Variants in NEK10 observed in about 807,000 individuals in gnomAD.
The protein encoded by NEK10 is serine/threonine-protein kinase Nek10.
A neutral mutation model predicts 159.8 loss-of-function variants in NEK10; 122 were observed. That is an observed-to-expected ratio of 0.76 (90% CI 0.66 to 0.89). The LOEUF (loss-of-function observed/expected upper bound fraction) is 0.89. Among genes scored for constraint, NEK10 ranks in the 40% least tolerant of loss-of-function variants. The pLI is 0.00. For synonymous variants in NEK10, 466 were observed against 457.1 expected (o/e 1.02, Z -0.25); for missense variants, 1,342 against 1,323.1 (o/e 1.01, Z -0.22).
intron 30 of NEK10, among the ~76,000 whole-genome samples, chr3:27,151,916 T>G (rs146077053): frequency 8.1e-4 from 124 of 152,246 alleles, no homozygotes; most frequent in African/African-American, 2.8e-3. Context: ...GACGAGGTCT[T>G]TGAATTAACC....
At chr3:27,267,040 G>A (rs540372069) in intron 22 of NEK10, among the ~76,000 whole-genome samples, 42 of 152,258 alleles carry the variant, frequency 2.8e-4, no homozygotes, top group South Asian at 1.0e-3. Flanking sequence ...AACTTCTACC[G>A]GCATTCTAGC....
chr3:27,191,887 A>T, intron 26 of NEK10, 142 bp downstream of exon 26: 1 of 633,576 alleles, frequency 1.6e-6, no homozygotes, highest in Non-Finnish European at 2.8e-6. Context: ...ACAGAAATGG[A>T]TATAAATATG....
At chr3:27,162,345 C>A in intron 30 of NEK10, 12 of 1,478,596 alleles carry the variant, frequency 8.1e-6, no homozygotes, top group Non-Finnish European at 1.1e-5. Context: ...AGGCAGAATT[C>A]TCCGCTCTTT....
At chr3:27,163,757 T>A (rs1254202318) in intron 29 of NEK10, among the ~76,000 whole-genome samples, 4 of 152,238 alleles carry the variant, frequency 2.6e-5, no homozygotes, top group Non-Finnish European at 1.5e-5. Context: ...CAAAAATATA[T>A]CATACATGTA....
intron 22 of NEK10, among the ~76,000 whole-genome samples, chr3:27,272,440 G>A (rs1353680281): frequency 6.6e-6 from 1 of 152,128 alleles, no homozygotes; most frequent in Non-Finnish European, 1.5e-5. Flanking sequence ...TCTGATTATA[G>A]TTTAAATGTG....
At position 27,259,699 on chromosome 3, in the gene NEK10, T is replaced by G. The variant is rs543813379; in HGVS notation, c.2015-3328A>C. ...TTGGCTTAGGATTGACTTAGCAATG[T>G]GGGCTCTTTTTTGGTTCCATATGAA... On this transcript the variant is annotated intron_variant, in intron 22 of 35. Coordinates refer to ENST00000691995, the MANE Select transcript of NEK10 (RefSeq NM_001394966.1). Among the ~76,000 whole-genome samples, 14 of 152,294 alleles carry G rather than the reference T, an allele frequency of 9.2e-5. No homozygotes were observed. The East Asian group carries it at 2.1e-3, about 23-fold the overall frequency.
At chr3:27,226,333 C>T (rs1284480057) in intron 23 of NEK10, among the ~76,000 whole-genome samples, 1 of 151,882 alleles carries the variant, frequency 6.6e-6, no homozygotes, top group East Asian at 1.9e-4. Context: ...GCGTGAGCCA[C>T]CGTGCCTGGC....
chr3:27,302,760 A>T (rs556962581), intron 12 of NEK10, among the ~76,000 whole-genome samples: 8 of 152,252 alleles, frequency 5.3e-5, no homozygotes, highest in Non-Finnish European at 1.2e-4. Context: ...CTCTCATGTC[A>T]TCTGGGTCCA....
chr3:27,344,181 C>T lies in NEK10; in HGVS notation c.362+91G>A, dbSNP rs2047390567. On this transcript the variant is annotated intron_variant, in intron 5 of 35. Coordinates refer to ENST00000691995, the MANE Select transcript of NEK10 (RefSeq NM_001394966.1). The stretch of plus-strand genomic sequence containing the variant: ...TCTTTCCTTTAATGACATGTTCAAT[C>T]CTGTAAGATGTTTCAAATCATGTTC... 6.0e-6 allele frequency: 4 copies of T among 663,298 alleles called. No individual in the cohort carries two copies. The East Asian group carries it at 1.1e-4, about 19-fold the overall frequency. The allele number at this position is 663,298 out of a possible 1,614,324, so 41.1% of individuals were successfully genotyped here.
At chr3:27,297,771 G>T (rs914811519) in intron 13 of NEK10, among the ~76,000 whole-genome samples, 6 of 152,146 alleles carry the variant, frequency 3.9e-5, no homozygotes, top group Admixed American at 3.3e-4. Context: ...TCTGCCAGAC[G>T]TTAAATCCCC....
chr3:27,216,983 G>A (rs1159273536), intron 23 of NEK10, among the ~76,000 whole-genome samples: 1 of 151,982 alleles, frequency 6.6e-6, no homozygotes, highest in Non-Finnish European at 1.5e-5. Context: ...TATAAGCTTT[G>A]AATAAAGAGA....
chr3:27,130,627 A>G (rs1023943477), intron 32 of NEK10, among the ~76,000 whole-genome samples: 4 of 152,186 alleles, frequency 2.6e-5, no homozygotes, highest in African/African-American at 9.6e-5. Context: ...AAATAAGTCT[A>G]TGCTCAAACC....
intron 22 of NEK10, among the ~76,000 whole-genome samples, chr3:27,277,814 G>A (rs2041877578): frequency 6.6e-6 from 1 of 152,212 alleles, no homozygotes; most frequent in Non-Finnish European, 1.5e-5. Context: ...TGAAATCTGA[G>A]TAGAAGTAAC....
In NEK10 at chr3:27,314,324, G is replaced by A; in HGVS notation, c.462C>T (p.Ser154=). The A allele has an allele frequency of 6.2e-7, 1 of 1,600,536 alleles. No homozygotes were observed. The highest frequency in any genetic ancestry group is 8.5e-7 in the Non-Finnish European group (1 of 1,171,356). ...GAGCTAGGTTTTCAATCCCACCCAA[G>A]CTATGGAGTATTTCCTAATAAAATA... is the stretch of plus-strand genomic sequence containing the variant. ...RDPCYQEILH[S]LGGIENLAQY... Residue 154 remains serine (S), a synonymous_variant, in exon 7 of 36, where the codon AGC becomes AGT. Transcript: ENST00000691995.
intron 25 of NEK10, among the ~76,000 whole-genome samples, chr3:27,197,534 C>G (rs1009517135): frequency 3.3e-5 from 5 of 152,178 alleles, no homozygotes; most frequent in African/African-American, 1.2e-4. Context: ...GTAGGCCTGT[C>G]TTCAGAGCCT....
intron 22 of NEK10, among the ~76,000 whole-genome samples, chr3:27,259,525 T>C (rs2040207829): frequency 6.6e-6 from 1 of 152,232 alleles, no homozygotes; most frequent in South Asian, 2.1e-4. Context: ...CTTCAGATGG[T>C]TGTAGATATG....
intron 5 of NEK10, among the ~76,000 whole-genome samples, chr3:27,328,065 T>C (rs1046620724): frequency 6.6e-6 from 1 of 152,174 alleles, no homozygotes; most frequent in Non-Finnish European, 1.5e-5. Context: ...AAATCTAGCA[T>C]GAAATGTACA....
rs536199341 is a variant in NEK10 at position 27,249,457 on chromosome 3, C to T, written c.2090+6839G>A. Among the ~76,000 whole-genome samples, 4 of 152,082 alleles carry T rather than the reference C, an allele frequency of 2.6e-5. No individual in the cohort carries two copies. The South Asian group carries it at 6.2e-4, about 24-fold the overall frequency. On this transcript the variant is annotated intron_variant, in intron 23 of 35. Coordinates refer to ENST00000691995, the MANE Select transcript of NEK10 (RefSeq NM_001394966.1). ...TTATATCTTCTTGCTGAAGTGACTCCTTTATCATTATATAATGACTTTCTT... is the reference window on the plus strand; with the variant it reads ...TTATATCTTCTTGCTGAAGTGACTCTTTTATCATTATATAATGACTTTCTT...
Position 27,192,051 on chromosome 3 carries a change from T to G in NEK10, c.2483A>C (p.His828Pro). 2 of 1,614,190 alleles carry G rather than the reference T, an allele frequency of 1.2e-6. No homozygotes were observed. Among genetic ancestry groups the G allele is most frequent in the Non-Finnish European group, 1.7e-6 (2 of 1,180,024 alleles). The part of the protein sequence containing the change: ...EANRNTVTCH[H>P]ELAVLSHETF... Reference sequence around the variant, plus strand: ...TACGTGAGATAGAACAGCCAGCTCATGGTGACATGTGACGGTGTTCCGGTT... The same window carrying G: ...TACGTGAGATAGAACAGCCAGCTCAGGGTGACATGTGACGGTGTTCCGGTT... The change falls in exon 26 of 36, where the codon CAT (histidine) becomes CCT (proline). Residue 828 changes from histidine to proline, a missense_variant. His to Pro is a moderately conservative substitution (Grantham distance 77). Transcript: ENST00000691995.
Sources: gnomAD v4.1 joint callset for allele counts (sites outside exome capture counted in the v4.1 genomes callset) on GRCh38, gnomAD v4.1.1 for gene constraint, MANE v1.5 for transcripts, NCBI Gene and HGNC (gene_info 2026-07-23, HGNC 2026-07-21) for gene names.